The following PIGQ variants were observed in gnomAD, a reference collection of about 807,000 sequenced individuals.
PIGQ encodes the protein phosphatidylinositol glycan anchor biosynthesis class Q, also known as phosphatidylinositol N-acetylglucosaminyltransferase subunit Q.
Under a neutral mutation model 60.3 loss-of-function variants are expected in PIGQ, and 54 were observed. The observed-to-expected ratio is 0.90, with a 90% CI of 0.72 to 1.12. The LOEUF (loss-of-function observed/expected upper bound fraction) is 1.12. Ranked by LOEUF, PIGQ falls within the 50% of genes most tolerant of loss-of-function variation. The probability of loss-of-function intolerance (pLI) is 0.00; values close to 1 mark genes in which losing one functional copy is unlikely to be tolerated. For missense variants in PIGQ, 799 were observed against 793.5 expected (o/e 1.01, Z -0.08); for synonymous variants, 416 against 363.7 (o/e 1.14, Z -1.64).
chr16:580,509 G>C (rs1363734438), intron 8 of PIGQ: 1 of 550,010 alleles, frequency 1.8e-6, no homozygotes, highest in African/African-American at 1.9e-5. Context: ...CCCCACGGCA[G>C]GTGGGGTCAC....
At chr16:577,336 G>A (rs1407169137) in intron 4 of PIGQ, 1 of 152,158 alleles carries the variant, frequency 6.6e-6, no homozygotes, top group Non-Finnish European at 1.5e-5. Flanking sequence ...CCAGCACTTT[G>A]GGAGGCCAAG....
chr16:575,007 C>T (rs972103906), intron 2 of PIGQ, among the ~76,000 whole-genome samples: 1 of 152,216 alleles, frequency 6.6e-6, no homozygotes. Context: ...GGGGCCCTCC[C>T]AGAAGGTGTA....
intron 10 of PIGQ, chr16:582,544 C>T: frequency 1.8e-6 from 1 of 570,744 alleles, no homozygotes. Context: ...GTCGGAGGCG[C>T]CCTTGGCTGG....
At chr16:576,638 G>A in intron 4 of PIGQ, 1 of 456,968 alleles carries the variant, frequency 2.2e-6, no homozygotes, top group African/African-American at 2.0e-5. Context: ...TCCTGTCCAG[G>A]GAGGCCCATG....
At chr16:582,184 C>G (rs2035822843) in intron 9 of PIGQ, 64 bp from the exon 10 acceptor site, 1 of 1,192,600 alleles carries the variant, frequency 8.4e-7, no homozygotes, top group Non-Finnish European at 1.2e-6. Flanking sequence ...GTACCTGCAG[C>G]CTCTGCTCAT....
Position 579,441 on chromosome 16 carries a change from G to A in PIGQ, c.1335+261G>A, listed in dbSNP as rs1362350962. On this transcript the variant is annotated intron_variant, in intron 7 of 10. Coordinates refer to ENST00000321878, the MANE Select transcript of PIGQ (RefSeq NM_004204.5). ...CAGGCACAGGCCCTAGAGGTGCCCC[G>A]GGCCCAGAGACTAGAGATGCCCCGG... is the stretch of plus-strand genomic sequence containing the variant. 13 of 369,394 alleles carry A rather than the reference G, an allele frequency of 3.5e-5. No homozygotes were observed. The East Asian group carries it at 5.5e-4, about 16-fold the overall frequency. 22.9% of individuals were successfully genotyped at this position (369,394 alleles called of 1,614,324 possible).
intron 9 of PIGQ, 27 bp downstream of exon 9, chr16:580,999 C>T: frequency 1.3e-6 from 2 of 1,483,982 alleles, no homozygotes. Context: ...GGGCAGCTGG[C>T]CCTGGGTAGG....
intron 5 of PIGQ, 90 bp downstream of exon 5, chr16:578,595 A>G: frequency 1.4e-6 from 2 of 1,478,052 alleles, no homozygotes; most frequent in Non-Finnish European, 9.2e-7. Context: ...TGTGCCCCCA[A>G]CTCTGCTCCC....
intron 4 of PIGQ, chr16:577,977 T>TCAGCTGTGC (rs1352967435): frequency 5.2e-6 from 1 of 191,292 alleles, no homozygotes; most frequent in East Asian, 1.6e-4. Context: ...GGGGACTGTG[T>TCAGCTGTGC]CAGCTGTGGG....
At position 580,221 on chromosome 16, in the gene PIGQ, C is replaced by T. The variant is rs1334555937; in HGVS notation, c.1374C>T (p.Phe458=). 5 of 1,612,914 alleles carry T rather than the reference C, an allele frequency of 3.1e-6. No individual in the cohort carries two copies. The highest frequency in any genetic ancestry group is 1.7e-5 in the Admixed American group (1 of 59,960). Residue 458 remains phenylalanine, a synonymous_variant, in exon 8 of 11, where the codon TTC becomes TTT. Coordinates refer to ENST00000321878, the MANE Select transcript of PIGQ (RefSeq NM_004204.5). ...CTCTGCTCTTCACCATCCTGCTCTT[C>T]CTCCTGCCTACCACAGCCCTGTACT... ...IGTLLFTILL[F]LLPTTALYYL...
chr16:581,226 C>A (rs982407233), intron 9 of PIGQ: 2 of 1,426,000 alleles, frequency 1.4e-6, no homozygotes, highest in Admixed American at 2.5e-5. Context: ...CCTGAGGCCA[C>A]AGGCCTTTGT....
intron 5 of PIGQ, 49 bp downstream of exon 5, chr16:578,554 G>C: frequency 6.3e-7 from 1 of 1,592,704 alleles, no homozygotes; most frequent in Non-Finnish European, 8.6e-7. Context: ...GCTTGCTGAA[G>C]AGGGTAGGGA....
rs776197045 is a variant in PIGQ, at chr16:580,888, C to T, written c.1447C>T (p.Leu483=). Residue 483 remains leucine (L), a synonymous_variant, in exon 9 of 11, where the codon CTG becomes TTG. Coordinates refer to ENST00000321878, the MANE Select transcript of PIGQ (RefSeq NM_004204.5). ...GCTCCTGGTGGTCGCCGTGCAGGGCCTGATCCATCTGCTCGTGGACCTCAT... is the reference window on the plus strand; with the variant it reads ...GCTCCTGGTGGTCGCCGTGCAGGGCTTGATCCATCTGCTCGTGGACCTCAT... ...LRLLVVAVQG[L]IHLLVDLINS... is the part of the protein sequence containing the mutation. 2.1e-5 allele frequency: 34 copies of T among 1,587,808 alleles called. No individual in the cohort carries two copies. Among genetic ancestry groups the T allele is most frequent in the Non-Finnish European group, 2.8e-5 (33 of 1,162,780 alleles).
At chr16:581,747 C>T (rs1005367223) in intron 9 of PIGQ, 2 of 166,050 alleles carry the variant, frequency 1.2e-5, no homozygotes, top group Non-Finnish European at 2.5e-5. Context: ...CAGGCACGAG[C>T]CACCGTGCCC....
chr16:573,093 G>T (rs2035661722), intron 1 of PIGQ, among the ~76,000 whole-genome samples: 1 of 152,222 alleles, frequency 6.6e-6, no homozygotes, highest in Non-Finnish European at 1.5e-5. Context: ...AGGAGCCCCA[G>T]CTGGCTGCAT....
chr16:574,385 T>G lies in PIGQ; in HGVS notation c.311T>G (p.Phe104Cys). ...LRLCRERGGT[F>C]WSCEATHRQA... ...CTGTGCCGGGAGAGAGGCGGCACGT[T>G]CTGGAGCTGCGAGGCCACCCACCGG... The change falls in exon 2 of 11, where the codon TTC (phenylalanine) becomes TGC (cysteine). Residue 104 changes from phenylalanine (F) to cysteine (C), a missense_variant. Transcript: ENST00000321878. The G allele has an allele frequency of 6.2e-7, 1 of 1,610,546 alleles. No individual in the cohort carries two copies. Among genetic ancestry groups the G allele is most frequent in the Non-Finnish European group, 8.5e-7 (1 of 1,179,332 alleles).
chr16:582,211 C>A (rs779696702), intron 9 of PIGQ, 37 bp from the exon 10 acceptor site: 3 of 1,450,698 alleles, frequency 2.1e-6, no homozygotes, highest in Non-Finnish European at 2.8e-6. Flanking sequence ...GGCCAGCCCC[C>A]ACGCGTCCCC....
Position 583,584 on chromosome 16 carries a change from G to C in PIGQ, c.*549G>C. On this transcript the variant is annotated 3_prime_UTR_variant, in exon 11 of 11. Coordinates refer to ENST00000321878, the MANE Select transcript of PIGQ (RefSeq NM_004204.5). ...CAGCGGGCCCGGGCCCTCACTCCCT[G>C]AACCACACGGGGTTTATTTGCGGAT... 1 of 1,612,782 alleles carries C rather than the reference G, an allele frequency of 6.2e-7. No individual in the cohort carries two copies. Among genetic ancestry groups the C allele is most frequent in the South Asian group, 1.1e-5 (1 of 91,082 alleles).
Position 583,588 on chromosome 16 carries a change from C to G in PIGQ, c.*553C>G. 1 of 1,612,816 alleles carries G rather than the reference C, an allele frequency of 6.2e-7. No homozygotes were observed. Among genetic ancestry groups the G allele is most frequent in the Non-Finnish European group, 8.5e-7 (1 of 1,179,948 alleles). Reference sequence around the variant, plus strand: ...GGGCCCGGGCCCTCACTCCCTGAACCACACGGGGTTTATTTGCGGATGTTC... The same window carrying G: ...GGGCCCGGGCCCTCACTCCCTGAACGACACGGGGTTTATTTGCGGATGTTC... On this transcript the variant is annotated 3_prime_UTR_variant, in exon 11 of 11. Coordinates refer to ENST00000321878, the MANE Select transcript of PIGQ (RefSeq NM_004204.5).
Sources: allele counts gnomAD v4.1 joint callset (sites outside exome capture counted in the v4.1 genomes callset), GRCh38; gene constraint gnomAD v4.1.1; transcripts MANE v1.5; gene names NCBI Gene and HGNC (gene_info 2026-07-23, HGNC 2026-07-21).